Variants in RAD17 observed in about 807,000 individuals in gnomAD.
The protein encoded by RAD17 is RAD17 checkpoint clamp loader component.
A neutral mutation model predicts 81.5 loss-of-function variants in RAD17; 31 were observed. The ratio of observed to expected loss-of-function variants is 0.38; its 90% CI spans 0.29 to 0.51. The LOEUF is 0.51. Among genes scored for constraint, RAD17 ranks in the 20% least tolerant of loss-of-function variants. The pLI is 0.88. For synonymous variants in RAD17, 261 were observed against 266.2 expected, an observed-to-expected ratio of 0.98 and a Z score of 0.19; for missense variants, 681 against 781.2, an observed-to-expected ratio of 0.87 and a Z score of 1.53.
intron 18 of RAD17, among the ~76,000 whole-genome samples, chr5:69,411,310 C>T (rs1003953113): frequency 1.3e-5 from 2 of 151,936 alleles, no homozygotes; most frequent in Non-Finnish European, 2.9e-5. Context: ...ACTCAGGAGG[C>T]TGAGGCAGGA....
intron 13 of RAD17, 43 bp downstream of exon 13, chr5:69,392,056 A>G: frequency 7.2e-7 from 1 of 1,386,634 alleles, no homozygotes; most frequent in Non-Finnish European, 9.6e-7. Flanking sequence ...GATATCACAT[A>G]GTCTTAAAAT....
intron 6 of RAD17, among the ~76,000 whole-genome samples, chr5:69,377,454 T>TACACAC (rs1561238692): frequency 1.2e-4 from 1 of 8,576 alleles, no homozygotes; most frequent in African/African-American, 1.7e-4. Flanking sequence ...TATATATATA[T>TACACAC]ATATATATAT....
intron 16 of RAD17, among the ~76,000 whole-genome samples, 193 bp downstream of exon 16, chr5:69,396,739 G>A (rs1764918478): frequency 6.6e-6 from 1 of 151,960 alleles, no homozygotes; most frequent in African/African-American, 2.4e-5. Context: ...TTAAATGCTT[G>A]TACAATTTTT....
chr5:69,385,154 G>A (rs1674777389), intron 8 of RAD17, among the ~76,000 whole-genome samples: 2 of 151,306 alleles, frequency 1.3e-5, no homozygotes, highest in East Asian at 1.9e-4. Flanking sequence ...TAGAGACGGG[G>A]TTTCACTGTG....
intron 6 of RAD17, among the ~76,000 whole-genome samples, chr5:69,377,624 C>CAT (rs878941680): frequency 0.041 from 67 of 1,648 alleles, 18 homozygotes; most frequent in African/African-American, 0.09. Flanking sequence ...CATATATATG[C>CAT]ATATATATGT....
intron 6 of RAD17, among the ~76,000 whole-genome samples, chr5:69,378,953 G>A (rs1394152048): frequency 6.6e-6 from 1 of 152,110 alleles, no homozygotes; most frequent in Admixed American, 6.6e-5. Flanking sequence ...AAAAAGTACA[G>A]TAAAAAGGCC....
chr5:69,372,282 A>G, intron 4 of RAD17, 65 bp downstream of exon 4: 10 of 1,347,142 alleles, frequency 7.4e-6, no homozygotes, highest in Non-Finnish European at 9.6e-6. Flanking sequence ...TAATATTCCT[A>G]ACTCTGTCTT....
chr5:69,371,193 T>C (rs1455711770), intron 2 of RAD17, 22 bp downstream of exon 2: 1 of 506,464 alleles, frequency 2.0e-6, no homozygotes, highest in South Asian at 1.6e-5. Context: ...GTATGTGTGG[T>C]TTTTTTGTTT....
intron 17 of RAD17, among the ~76,000 whole-genome samples, chr5:69,407,562 GTTTTTTTTTTTTTTTT>G (rs550222595): frequency 3.7e-4 from 15 of 40,924 alleles, no homozygotes; most frequent in South Asian, 2.9e-3. Context: ...CTATGTCCAA[GTTTTTTTTTTTTTTTT>G]TTTTTTTTTT....
chr5:69,392,986 G>A (rs1764638894), intron 13 of RAD17, 169 bp from the exon 14 acceptor site: 1 of 534,770 alleles, frequency 1.9e-6, no homozygotes, highest in South Asian at 3.0e-5. Context: ...TTGCTAATGT[G>A]GAAAAAATAG....
upstream of RAD17, chr5:69,369,459 T>A: frequency 6.2e-7 from 1 of 1,610,194 alleles, no homozygotes; most frequent in Middle Eastern, 1.7e-4. Context: ...CCGCGCGCCC[T>A]GACCGGTGAG....
rs759725958 is a variant in RAD17, at chr5:69,414,660, C to T, written c.*368C>T. 1.1e-5 allele frequency: 3 copies of T among 270,366 alleles called. No individual in the cohort carries two copies. Among genetic ancestry groups the T allele is most frequent in the South Asian group, 1.1e-4 (2 of 18,094 alleles). The allele number at this position is 270,366 out of a possible 1,614,324, so 16.7% of individuals were successfully genotyped here. A position where few individuals can be genotyped will look rare whatever the true frequency, so the allele number is the denominator to read the frequency against. ...TATTCAACAGTTTAGGATGCAATTA[C>T]GAGTGTAAACTGTGTGCCTTATTTA... On this transcript the variant is annotated 3_prime_UTR_variant, in exon 19 of 19. Coordinates refer to ENST00000354868, the MANE Select transcript of RAD17 (RefSeq NM_133338.3).
At chr5:69,384,298 G>C (rs975478229) in intron 7 of RAD17, 1 of 152,806 alleles carries the variant, frequency 6.5e-6, no homozygotes, top group Admixed American at 6.5e-5. Context: ...ACCGACAGCT[G>C]TGTTCTTAGG....
rs1434719082 is a variant in RAD17 at position 69,373,712 on chromosome 5, TTTTTAA to T, written c.10-117_10-112del. 262 of 374,054 alleles carry T rather than the reference TTTTTAA, an allele frequency of 7.0e-4. 7 individuals carry two copies. The highest frequency in any genetic ancestry group is 2.6e-3 in the South Asian group (46 of 17,996). The allele number at this position is 374,054 out of a possible 1,614,324, so 23.2% of individuals were successfully genotyped here. On this transcript the variant is annotated intron_variant, in intron 4 of 18. Transcript: ENST00000354868. Reference sequence around the variant, plus strand: ...TTTTTTTTTTTTTTTTTTTTTTTTTTTTTTAAGTTTTAAAGGTTATAAATATATGAA... The same window carrying T: ...TTTTTTTTTTTTTTTTTTTTTTTTTTGTTTTAAAGGTTATAAATATATGAA...
rs369055005 is a variant in RAD17 at position 69,381,905 on chromosome 5, G to T, written c.356G>T (p.Gly119Val). 1 of 1,586,004 alleles carries T rather than the reference G, an allele frequency of 6.3e-7. No homozygotes were observed. The highest frequency in any genetic ancestry group is 8.6e-7 in the Non-Finnish European group (1 of 1,167,078). ...CATATTTGTATTTGATTTTAGGGTG[G>T]ATCTATTTTATTAATAACAGGTCCT... ...QVLERQPKQGGSILLITGPPG... is the reference protein window; with the variant it reads ...QVLERQPKQGVSILLITGPPG... Residue 119 changes from glycine (G) to valine (V), a missense_variant, in exon 7 of 19, where the codon GGA (glycine) becomes GTA (valine). By Grantham distance (109) the Gly-to-Val change is moderately radical (BLOSUM62 -3). Coordinates refer to ENST00000354868, the MANE Select transcript of RAD17 (RefSeq NM_133338.3).
chr5:69,380,611 T>C (rs1763793586), intron 6 of RAD17, among the ~76,000 whole-genome samples: 1 of 152,120 alleles, frequency 6.6e-6, no homozygotes, highest in African/African-American at 2.4e-5. Context: ...TAAACAAGAA[T>C]TATAGCCTAC....
chr5:69,372,082 A>G lies in RAD17; in HGVS notation c.-127A>G. 1 of 1,406,968 alleles carries G rather than the reference A, an allele frequency of 7.1e-7. No homozygotes were observed. Among genetic ancestry groups the G allele is most frequent in the Non-Finnish European group, 9.5e-7 (1 of 1,048,612 alleles). 87.2% of individuals were successfully genotyped at this position (1,406,968 alleles called of 1,614,324 possible). On this transcript the variant is annotated 5_prime_UTR_variant, in exon 4 of 19. Coordinates refer to ENST00000354868, the MANE Select transcript of RAD17 (RefSeq NM_133338.3). ...AAGAAATGAAACTATAAAATGTATA[A>G]ATAATTTGCAAATCAGAATTGCTGT...
At chr5:69,402,217 T>A (rs1431957282) in intron 17 of RAD17, among the ~76,000 whole-genome samples, 1 of 151,332 alleles carries the variant, frequency 6.6e-6, no homozygotes, top group African/African-American at 2.4e-5. Flanking sequence ...CCGGCTAATT[T>A]TTTTTGTATT....
At chr5:69,402,573 T>G (rs1765341592) in intron 17 of RAD17, among the ~76,000 whole-genome samples, 1 of 150,846 alleles carries the variant, frequency 6.6e-6, no homozygotes, top group South Asian at 2.1e-4. Context: ...GAGAATGGTA[T>G]GAACCCGGGA....
Sources: gnomAD v4.1 joint callset for allele counts (sites outside exome capture counted in the v4.1 genomes callset) on GRCh38, gnomAD v4.1.1 for gene constraint, MANE v1.5 for transcripts, NCBI Gene and HGNC (gene_info 2026-07-23, HGNC 2026-07-21) for gene names.